SLC25A21: variants seen among roughly 807,000 people sequenced by gnomAD.
The protein encoded by SLC25A21 is solute carrier family 25 member 21, also known as mitochondrial 2-oxodicarboxylate carrier.
A neutral mutation model predicts 43.8 loss-of-function variants in SLC25A21; 47 were observed. The ratio of observed to expected loss-of-function variants is 1.07; its 90% confidence interval spans 0.85 to 1.37. The LOEUF is 1.37. Among genes scored for constraint, SLC25A21 ranks in the 40% most tolerant of loss-of-function variants. SLC25A21 has a pLI of 0.00. For synonymous variants in SLC25A21, 131 were observed against 121.3 expected (o/e 1.08, Z -0.52); for missense variants, 352 against 350.2 (o/e 1.00, Z -0.04).
intron 1 of SLC25A21, among the ~76,000 whole-genome samples, chr14:36,949,615 C>T (rs1265135101): frequency 1.3e-5 from 2 of 152,126 alleles, no homozygotes; most frequent in African/African-American, 4.8e-5. Context: ...ACAGTCAGTT[C>T]CCTGTTTATG....
intron 1 of SLC25A21, among the ~76,000 whole-genome samples, chr14:37,113,567 T>C (rs745509310): frequency 5.9e-5 from 9 of 152,100 alleles, no homozygotes; most frequent in African/African-American, 1.9e-4. Context: ...GAAATAATAA[T>C]GTTAGACCGG....
At chr14:36,907,965 G>A (rs1891579730) in intron 1 of SLC25A21, among the ~76,000 whole-genome samples, 1 of 152,280 alleles carries the variant, frequency 6.6e-6, no homozygotes, top group South Asian at 2.1e-4. Context: ...GGACTTCAGA[G>A]AAGGGAAATA....
intron 1 of SLC25A21, among the ~76,000 whole-genome samples, chr14:36,913,495 C>T (rs1891745322): frequency 2.0e-5 from 3 of 152,152 alleles, no homozygotes; most frequent in Non-Finnish European, 2.9e-5. Context: ...AGGCTGGCCT[C>T]GAATTCCTGA....
At chr14:37,127,217 A>G (rs1000860040) in intron 1 of SLC25A21, among the ~76,000 whole-genome samples, 1 of 152,192 alleles carries the variant, frequency 6.6e-6, no homozygotes, top group Non-Finnish European at 1.5e-5. Context: ...GGGCATTTTT[A>G]TCCTCATTTA....
chr14:36,844,269 AT>A (rs1318301016), intron 2 of SLC25A21, among the ~76,000 whole-genome samples: 2 of 152,192 alleles, frequency 1.3e-5, no homozygotes, highest in Non-Finnish European at 2.9e-5. Context: ...ATCCTACCTA[AT>A]TTACAGCTCC....
intron 2 of SLC25A21, among the ~76,000 whole-genome samples, chr14:36,865,461 T>A (rs1890188480): frequency 6.6e-6 from 1 of 152,110 alleles, no homozygotes; most frequent in South Asian, 2.1e-4. Context: ...TATTTCCATA[T>A]CACTCTCAAA....
intron 5 of SLC25A21, among the ~76,000 whole-genome samples, chr14:36,728,260 T>C (rs1418282281): frequency 1.3e-5 from 2 of 152,236 alleles, no homozygotes; most frequent in East Asian, 3.8e-4. Context: ...CATTTGGTTA[T>C]AGTAGCTGCA....
intron 2 of SLC25A21, among the ~76,000 whole-genome samples, chr14:36,843,114 C>A (rs978434446): frequency 2.6e-5 from 4 of 152,146 alleles, no homozygotes; most frequent in African/African-American, 9.7e-5. Context: ...TGCTCATTCA[C>A]CTGCTGCTCA....
chr14:36,882,738 C>T (rs2022607), intron 1 of SLC25A21, among the ~76,000 whole-genome samples: 121,590 of 151,212 alleles, frequency 0.8, 49,558 homozygotes, highest in Non-Finnish European at 0.87. Flanking sequence ...CAAAGTCAGG[C>T]TTAAATATCT....
intron 1 of SLC25A21, chr14:37,171,906 C>T: frequency 4.0e-6 from 1 of 247,196 alleles, no homozygotes; most frequent in East Asian, 8.3e-5. Context: ...AAAGACTCTA[C>T]AATTGATAAA....
At chr14:37,007,733 C>T (rs541801131) in intron 1 of SLC25A21, among the ~76,000 whole-genome samples, 35 of 152,026 alleles carry the variant, frequency 2.3e-4, no homozygotes, top group South Asian at 1.2e-3. Context: ...GCACGCTTTA[C>T]GGGAAGAAAT....
At chr14:37,056,610 G>A (rs536505640) in intron 1 of SLC25A21, among the ~76,000 whole-genome samples, 2 of 151,576 alleles carry the variant, frequency 1.3e-5, no homozygotes, top group South Asian at 4.2e-4. Flanking sequence ...TCTGTGAAAT[G>A]ACTCACACTC....
chr14:37,037,538 T>G (rs1406028003), intron 1 of SLC25A21, among the ~76,000 whole-genome samples: 6 of 152,156 alleles, frequency 3.9e-5, no homozygotes. Context: ...GTTTTCTCTC[T>G]CTCTTTTTCA....
intron 1 of SLC25A21, among the ~76,000 whole-genome samples, chr14:36,952,846 C>T (rs1023204899): frequency 2.6e-5 from 4 of 152,144 alleles, no homozygotes; most frequent in Non-Finnish European, 5.9e-5. Context: ...GTTTGGTTCC[C>T]AAGTTGTCAT....
chr14:36,982,208 T>G lies in SLC25A21; in HGVS notation c.71-107204A>C, dbSNP rs1199996187. Among the ~76,000 whole-genome samples, 4 of 152,224 alleles carry G rather than the reference T, an allele frequency of 2.6e-5. No individual in the cohort carries two copies. The East Asian group carries it at 7.7e-4, about 29-fold the overall frequency. On this transcript the variant is annotated intron_variant, in intron 1 of 9. Coordinates refer to ENST00000331299, the MANE Select transcript of SLC25A21 (RefSeq NM_030631.4). ...TCAAACTATAGAACAGATTTTAAACTCATTTTCAAATAAGTTTTATGCTAT... is the reference window on the plus strand; with the variant it reads ...TCAAACTATAGAACAGATTTTAAACGCATTTTCAAATAAGTTTTATGCTAT...
intron 1 of SLC25A21, among the ~76,000 whole-genome samples, chr14:37,056,643 G>A (rs1489044917): frequency 2.6e-5 from 4 of 152,152 alleles, no homozygotes; most frequent in Non-Finnish European, 4.4e-5. Flanking sequence ...TCCACACACA[G>A]TGAGCCTGCC....
chr14:37,070,590 G>A (rs985169043), intron 1 of SLC25A21, among the ~76,000 whole-genome samples: 1 of 151,994 alleles, frequency 6.6e-6, no homozygotes, highest in Non-Finnish European at 1.5e-5. Context: ...TCCAACTTAA[G>A]CTAATTATTA....
At chr14:36,746,287 C>G (rs79304783) in intron 3 of SLC25A21, among the ~76,000 whole-genome samples, 1 of 151,606 alleles carries the variant, frequency 6.6e-6, no homozygotes, top group African/African-American at 2.4e-5. Flanking sequence ...GAAATCATGT[C>G]TTTGAAACAA....
At chr14:37,162,453 A>T (rs1413928863) in intron 1 of SLC25A21, among the ~76,000 whole-genome samples, 1 of 61,000 alleles carries the variant, frequency 1.6e-5, no homozygotes, top group Non-Finnish European at 4.0e-5. Flanking sequence ...AGAAAAAAAC[A>T]AACAACCCCA....
Sources: allele counts gnomAD v4.1 joint callset (sites outside exome capture counted in the v4.1 genomes callset), GRCh38; gene constraint gnomAD v4.1.1; transcripts MANE v1.5; gene names NCBI Gene and HGNC (gene_info 2026-07-23, HGNC 2026-07-21).